Variants in NFXL1 observed in about 807,000 individuals in gnomAD.
NFXL1 encodes the protein NF-X1-type zinc finger protein NFXL1.
A neutral mutation model predicts 123.3 loss-of-function variants in NFXL1; 66 were observed. That is an observed-to-expected ratio of 0.54 (90% confidence interval 0.44 to 0.66). The LOEUF (loss-of-function observed/expected upper bound fraction) is 0.66. NFXL1 is among the 30% of genes least tolerant of loss of function. The pLI, the probability that NFXL1 is intolerant of heterozygous loss-of-function variation, is 0.00. For missense variants in NFXL1, 944 were observed against 1,125.6 expected, an observed-to-expected ratio of 0.84 and a Z score of 2.31; for synonymous variants, 346 against 360.8, an observed-to-expected ratio of 0.96 and a Z score of 0.46.
In NFXL1 at chr4:47,911,114, C is replaced by T. The variant is rs547232248; in HGVS notation, c.236-120G>A. On this transcript the variant is annotated intron_variant, in intron 2 of 22. Transcript: ENST00000507489. The stretch of plus-strand genomic sequence containing the variant: ...AGTCACCTTTGGAGCATTCTACCTT[C>T]CTGTAATCCACGAGAAAAGTATTTT... The T allele has an allele frequency of 1.0e-4, 51 of 489,842 alleles. No individual in the cohort carries two copies. The Middle Eastern group carries it at 2.1e-3, about 20-fold the overall frequency. The allele number at this position is 489,842 out of a possible 1,614,324, so 30.3% of individuals were successfully genotyped here.
At chr4:47,896,692 T>C (rs1184399079) in intron 9 of NFXL1, 45 bp from the exon 10 acceptor site, 1 of 1,387,716 alleles carries the variant, frequency 7.2e-7, no homozygotes, top group Non-Finnish European at 1.0e-6. Context: ...GACATTATTA[T>C]TAAACATCAA....
chr4:47,851,760 A>T, intron 21 of NFXL1, 96 bp downstream of exon 21: 1 of 781,446 alleles, frequency 1.3e-6, no homozygotes. Flanking sequence ...AAAGCAAAAA[A>T]ATGAGATTTC....
At chr4:47,891,883 G>A (rs1246085095) in intron 11 of NFXL1, among the ~76,000 whole-genome samples, 3 of 150,176 alleles carry the variant, frequency 2.0e-5, no homozygotes, top group African/African-American at 7.4e-5. Flanking sequence ...GTTGCAGTGA[G>A]CCGAGATCAC....
chr4:47,904,928 C>T (rs1227617537), intron 4 of NFXL1, among the ~76,000 whole-genome samples: 2 of 148,832 alleles, frequency 1.3e-5, no homozygotes, highest in African/African-American at 4.9e-5. Context: ...AAATATAGTA[C>T]ATTTAACATT....
chr4:47,899,078 T>C lies in NFXL1; in HGVS notation c.869A>G (p.Tyr290Cys), dbSNP rs1218082956. ...AGGGATAGGTTTTGCTTTCTTACAGTAACAAGTAGTTGTGACCATCTTTGG... is the reference window on the plus strand; with the variant it reads ...AGGGATAGGTTTTGCTTTCTTACAGCAACAAGTAGTTGTGACCATCTTTGG... ...PCPKMVTTTC[Y>C]CKKAKPIPRR... Residue 290 changes from tyrosine to cysteine, a missense_variant, in exon 7 of 23, where the codon TAC (tyrosine) becomes TGC (cysteine). Around this residue, in one of 4 missense-constraint regions of NFXL1, gnomAD observed 296 missense variants for 395.1 expected, o/e 0.75. Coordinates refer to ENST00000507489, the MANE Select transcript of NFXL1 (RefSeq NM_001278624.2). 2 of 1,599,420 alleles carry C rather than the reference T, an allele frequency of 1.3e-6. No individual in the cohort carries two copies. Among genetic ancestry groups the C allele is most frequent in the South Asian group, 2.2e-5 (2 of 90,712 alleles).
chr4:47,861,281 C>G (rs1257073407), intron 19 of NFXL1, among the ~76,000 whole-genome samples: 2 of 152,202 alleles, frequency 1.3e-5, no homozygotes, highest in South Asian at 2.1e-4. Context: ...CTACTAGACA[C>G]AATGAAATTC....
rs1733928667 is a variant in NFXL1 at position 47,848,347 on chromosome 4, ACAGCAT to A, written c.2563-17_2563-12del. ...AGCTTCTAGTTCAGCCTAAATAAAAACAGCATCATTTTAATTAAATTCAATGCATAC... is the reference window on the plus strand; with the variant it reads ...AGCTTCTAGTTCAGCCTAAATAAAAACATTTTAATTAAATTCAATGCATAC... On this transcript the variant is annotated splice_polypyrimidine_tract_variant and intron_variant, in intron 22 of 22. Transcript: ENST00000507489. The A allele has an allele frequency of 6.3e-7, 1 of 1,577,714 alleles. No individual in the cohort carries two copies.
At chr4:47,882,162 C>T (rs1736151376) in intron 15 of NFXL1, 1 of 152,138 alleles carries the variant, frequency 6.6e-6, no homozygotes, top group Admixed American at 6.5e-5. Flanking sequence ...ACTTTCTGTG[C>T]AATTTTCTCT....
At chr4:47,901,727 T>A (rs907350459) in intron 5 of NFXL1, among the ~76,000 whole-genome samples, 1 of 152,212 alleles carries the variant, frequency 6.6e-6, no homozygotes, top group Non-Finnish European at 1.5e-5. Flanking sequence ...AGGTTTCAAA[T>A]TTTGGCTCCA....
At chr4:47,848,929 T>C (rs1426770392) in intron 22 of NFXL1, among the ~76,000 whole-genome samples, 1 of 152,028 alleles carries the variant, frequency 6.6e-6, no homozygotes, top group African/African-American at 2.4e-5. Flanking sequence ...AAACGTCTTA[T>C]TAAATCAGGA....
chr4:47,914,216 GAA>G lies in NFXL1; in HGVS notation c.-2-13_-2-12del, dbSNP rs745663518. On this transcript the variant is annotated splice_polypyrimidine_tract_variant and intron_variant, in intron 1 of 22. Coordinates refer to ENST00000507489, the MANE Select transcript of NFXL1 (RefSeq NM_001278624.2). ...AGGAAGCTTCCATCCCTGCAAAGGA[GAA>G]AAAAAAAAAAAAGAGTGGAAGGAGG... 3.3e-3 allele frequency: 3,800 copies of G among 1,157,068 alleles called. No homozygotes were observed. The highest frequency in any genetic ancestry group is 6.7e-3 in the South Asian group (364 of 54,730). 71.7% of individuals were successfully genotyped at this position (1,157,068 alleles called of 1,614,324 possible).
intron 15 of NFXL1, among the ~76,000 whole-genome samples, chr4:47,880,473 G>A (rs530213388): frequency 6.7e-6 from 1 of 148,398 alleles, no homozygotes; most frequent in African/African-American, 2.5e-5. Flanking sequence ...GCCACAGACT[G>A]GCAGAAAATA....
At chr4:47,898,731 A>G in intron 8 of NFXL1, 26 bp downstream of exon 8, 3 of 1,086,938 alleles carry the variant, frequency 2.8e-6, no homozygotes, top group African/African-American at 1.5e-5. Context: ...TTTAATACCC[A>G]CCCCTCAAAA....
At chr4:47,893,892 TG>T (rs1278296595) in intron 11 of NFXL1, among the ~76,000 whole-genome samples, 1 of 150,378 alleles carries the variant, frequency 6.6e-6, no homozygotes, top group Non-Finnish European at 1.5e-5. Context: ...AAATATAAAA[TG>T]TATGAAAATC....
chr4:47,854,386 T>G (rs1260908175), intron 20 of NFXL1, among the ~76,000 whole-genome samples: 1 of 152,090 alleles, frequency 6.6e-6, no homozygotes, highest in Non-Finnish European at 1.5e-5. Context: ...GAGTAAGCAC[T>G]GCCAACAGGG....
At chr4:47,877,899 T>C (rs1318764185) in intron 17 of NFXL1, among the ~76,000 whole-genome samples, 1 of 152,040 alleles carries the variant, frequency 6.6e-6, no homozygotes, top group Non-Finnish European at 1.5e-5. Flanking sequence ...AACGGAAGTC[T>C]AGAAAAAAAT....
intron 2 of NFXL1, among the ~76,000 whole-genome samples, chr4:47,911,823 G>T (rs1737841227): frequency 6.6e-6 from 1 of 152,134 alleles, no homozygotes; most frequent in Non-Finnish European, 1.5e-5. Flanking sequence ...GGACCACAGG[G>T]ATTTTCTTCA....
intron 8 of NFXL1, 80 bp from the exon 9 acceptor site, chr4:47,898,161 T>C (rs1263260631): frequency 2.5e-6 from 2 of 799,950 alleles, no homozygotes; most frequent in East Asian, 2.7e-5. Flanking sequence ...CAATCCATTT[T>C]TCAATCACAA....
chr4:47,862,401 G>A (rs1027070222), intron 19 of NFXL1, among the ~76,000 whole-genome samples: 8 of 152,126 alleles, frequency 5.3e-5, no homozygotes, highest in Non-Finnish European at 8.8e-5. Flanking sequence ...TCTTCAAAAT[G>A]CTGTGGATAT....
Sources: allele counts gnomAD v4.1 joint callset (sites outside exome capture counted in the v4.1 genomes callset), GRCh38; gene constraint gnomAD v4.1.1; regional missense constraint gnomAD v4.1.1; transcripts MANE v1.5; gene names NCBI Gene and HGNC (gene_info 2026-07-23, HGNC 2026-07-21).